Variants in ATP13A4 observed in about 807,000 individuals in gnomAD.
ATP13A4 encodes probable cation-transporting ATPase 13A4.
ATP13A4 carries 114 observed loss-of-function variants against 142.5 expected under a neutral mutation model. The observed-to-expected ratio is 0.80, with a 90% CI of 0.69 to 0.93. ATP13A4 has a LOEUF of 0.93. ATP13A4 is among the 40% of genes least tolerant of loss of function. ATP13A4 has a pLI of 0.00. For missense variants in ATP13A4, 1,392 were observed against 1,454.0 expected, an observed-to-expected ratio of 0.96 and a Z score of 0.69; for synonymous variants, 488 against 514.8, an observed-to-expected ratio of 0.95 and a Z score of 0.70.
At chr3:193,431,760 C>CAT (rs770964956) in intron 25 of ATP13A4, among the ~76,000 whole-genome samples, 223 of 141,730 alleles carry the variant, frequency 1.6e-3, no homozygotes, top group African/African-American at 4.9e-3. Context: ...ATATGTTTCC[C>CAT]ATATATATAT....
chr3:193,591,540 T>C (rs966687248), intron 1 of ATP13A4, among the ~76,000 whole-genome samples: 1 of 152,212 alleles, frequency 6.6e-6, no homozygotes, highest in Non-Finnish European at 1.5e-5. Context: ...CTAGTACGGA[T>C]GTAATTTATG....
chr3:193,531,875 A>G (rs192530968), intron 1 of ATP13A4, among the ~76,000 whole-genome samples: 1 of 152,354 alleles, frequency 6.6e-6, no homozygotes, highest in Admixed American at 6.5e-5. Flanking sequence ...AGTCTCCCAC[A>G]TAAACTAAGC....
chr3:193,547,445 T>C (rs1336431584), intron 1 of ATP13A4, among the ~76,000 whole-genome samples: 3 of 152,214 alleles, frequency 2.0e-5, no homozygotes, highest in Non-Finnish European at 4.4e-5. Flanking sequence ...TAGGAATCTA[T>C]TTTGTGTGTA....
chr3:193,512,193 A>T (rs1249743748), intron 2 of ATP13A4, among the ~76,000 whole-genome samples: 5 of 152,192 alleles, frequency 3.3e-5, no homozygotes, highest in Admixed American at 2.0e-4. Flanking sequence ...ATGGACTTGT[A>T]GAGTACAGTT....
At chr3:193,586,248 T>C (rs528411345) in intron 1 of ATP13A4, among the ~76,000 whole-genome samples, 4 of 152,330 alleles carry the variant, frequency 2.6e-5, no homozygotes, top group East Asian at 1.9e-4. Flanking sequence ...TTGTCAGATA[T>C]ACGTTCTAAA....
intron 1 of ATP13A4, among the ~76,000 whole-genome samples, chr3:193,527,985 C>T (rs1722105064): frequency 6.6e-6 from 1 of 152,222 alleles, no homozygotes; most frequent in South Asian, 2.1e-4. Context: ...AACCCCCTTA[C>T]AGATGCACGT....
intron 1 of ATP13A4, among the ~76,000 whole-genome samples, chr3:193,515,841 G>A (rs1471283940): frequency 1.3e-5 from 2 of 152,198 alleles, no homozygotes; most frequent in African/African-American, 4.8e-5. Flanking sequence ...GTAGTAGAGT[G>A]TCCTGGTTAA....
Position 193,448,297 on chromosome 3 carries a change from C to T in ATP13A4, c.2061G>A (p.Gly687=), listed in dbSNP as rs1470823472. 1 of 1,613,988 alleles carries T rather than the reference C, an allele frequency of 6.2e-7. No homozygotes were observed. Among genetic ancestry groups the T allele is most frequent in the East Asian group, 2.2e-5 (1 of 44,900 alleles). ...ETVESDLIFL[G]LLILENRLKE... ...TCAATCGATTCTCCAAGATCAGCAG[C>T]CCCAGAAATATCAGGTCTGATTCTA... The change falls in exon 18 of 30, where the codon GGG becomes GGA. Residue 687 remains glycine (G), a synonymous_variant. Transcript: ENST00000342695.
At chr3:193,405,187 A>G (rs931812337) in intron 29 of ATP13A4, among the ~76,000 whole-genome samples, 2 of 152,206 alleles carry the variant, frequency 1.3e-5, no homozygotes. Context: ...TTAACTGCAA[A>G]TATGCTGAAA....
intron 22 of ATP13A4, 23 bp from the exon 23 acceptor site, chr3:193,438,607 C>G (rs745513297): frequency 6.3e-7 from 1 of 1,585,234 alleles, no homozygotes; most frequent in Non-Finnish European, 8.7e-7. Context: ...AATCAGCTTA[C>G]TCCTCACATA....
At chr3:193,466,511 T>G (rs982672157) in intron 10 of ATP13A4, among the ~76,000 whole-genome samples, 2 of 150,374 alleles carry the variant, frequency 1.3e-5, no homozygotes, top group Non-Finnish European at 3.0e-5. Context: ...CGCACACACA[T>G]GTCACTGAAT....
At chr3:193,568,392 A>C (rs949008099) in intron 2 of ATP13A4, among the ~76,000 whole-genome samples, 1 of 152,210 alleles carries the variant, frequency 6.6e-6, no homozygotes, top group Non-Finnish European at 1.5e-5. Flanking sequence ...GCAGTAAAAA[A>C]CAGACACTTC....
At position 193,457,013 on chromosome 3, in the gene ATP13A4, G is replaced by A; in HGVS notation, c.1902C>T (p.Cys634=). The change falls in exon 16 of 30, where the codon TGC becomes TGT. Residue 634 remains cysteine, a synonymous_variant. Coordinates refer to ENST00000342695, the MANE Select transcript of ATP13A4 (RefSeq NM_032279.4). ...KGAPERVASF[C]QPETVPTSFV... is the part of the protein sequence containing the mutation. ...CAAGTTACAGACCTGTCTCAGGTTG[G>A]CAAAAGCTGGCCACCCTCTCTGGTG... 1 of 1,613,216 alleles carries A rather than the reference G, an allele frequency of 6.2e-7. No individual in the cohort carries two copies. Among genetic ancestry groups the A allele is most frequent in the Non-Finnish European group, 8.5e-7 (1 of 1,179,624 alleles).
At chr3:193,424,758 T>A (rs886444436) in intron 25 of ATP13A4, among the ~76,000 whole-genome samples, 1 of 149,614 alleles carries the variant, frequency 6.7e-6, no homozygotes, top group Non-Finnish European at 1.5e-5. Flanking sequence ...ATGGTTTTGA[T>A]TTGGGCAATA....
intron 8 of ATP13A4, among the ~76,000 whole-genome samples, chr3:193,474,754 A>C (rs1311099221): frequency 6.6e-6 from 1 of 151,410 alleles, no homozygotes; most frequent in Non-Finnish European, 1.5e-5. Flanking sequence ...GAAAGGAAAA[A>C]GAAAGAAAGA....
chr3:193,436,062 T>C (rs1392333675), intron 23 of ATP13A4, among the ~76,000 whole-genome samples: 2 of 152,238 alleles, frequency 1.3e-5, no homozygotes, highest in African/African-American at 4.8e-5. Context: ...TAGTGCCAGA[T>C]CTTCTACCTA....
At chr3:193,430,050 G>C (rs1326245021) in intron 25 of ATP13A4, among the ~76,000 whole-genome samples, 2 of 151,970 alleles carry the variant, frequency 1.3e-5, no homozygotes, top group African/African-American at 4.8e-5. Context: ...ACAAAAAATA[G>C]AGAAAATCCT....
At chr3:193,473,392 C>A (rs562884643) in intron 8 of ATP13A4, among the ~76,000 whole-genome samples, 1 of 152,170 alleles carries the variant, frequency 6.6e-6, no homozygotes, top group African/African-American at 2.4e-5. Context: ...AAAATGGCAA[C>A]TAATTAATGT....
At position 193,457,147 on chromosome 3, in the gene ATP13A4, C is replaced by T. The variant is rs998500635; in HGVS notation, c.1768G>A (p.Val590Met). 5.6e-6 allele frequency: 9 copies of T among 1,613,024 alleles called. No homozygotes were observed. Among genetic ancestry groups the T allele is most frequent in the Non-Finnish European group, 7.6e-6 (9 of 1,180,034 alleles). The change falls in exon 16 of 30, where the codon GTG becomes ATG. Residue 590 changes from valine to methionine, a missense_variant. Physicochemically the swap from Val to Met is conservative, Grantham distance 21. Coordinates refer to ENST00000342695, the MANE Select transcript of ATP13A4 (RefSeq NM_032279.4). ...TGATGCAGGATTGCAATTCCTTCCA[C>T]TGGGACCTGGTTGAGGGATGGGGAA... ...KPCRTASQVP[V>M]EGIAILHQFP...
Sources: allele counts gnomAD v4.1 joint callset (sites outside exome capture counted in the v4.1 genomes callset), GRCh38; gene constraint gnomAD v4.1.1; transcripts MANE v1.5; gene names NCBI Gene and HGNC (gene_info 2026-07-23, HGNC 2026-07-21).